RBPJ: variants seen among roughly 807,000 people sequenced by gnomAD.
The protein encoded by RBPJ is recombination signal binding protein for immunoglobulin kappa J region.
RBPJ carries 9 observed loss-of-function variants against 67.8 expected under a neutral mutation model. The ratio of observed to expected loss-of-function variants is 0.13; its 90% CI spans 0.08 to 0.23. The LOEUF is 0.23. RBPJ is among the 10% of genes least tolerant of loss of function. RBPJ has a pLI of 1.00. For synonymous variants in RBPJ, 198 were observed against 203.3 expected (o/e 0.97, Z 0.22); for missense variants, 305 against 595.6 (o/e 0.51, Z 5.08).
chr4:26,318,722 G>A (rs1258079321), upstream of RBPJ, among the ~76,000 whole-genome samples: 1 of 152,114 alleles, frequency 6.6e-6, no homozygotes, highest in Non-Finnish European at 1.5e-5. Flanking sequence ...ATTGCTGCCA[G>A]GCGCGGTGGC....
intron 1 of RBPJ, chr4:26,362,534 G>A: frequency 3.1e-6 from 5 of 1,601,236 alleles, no homozygotes; most frequent in Non-Finnish European, 4.3e-6. Context: ...GAATGATACA[G>A]ATACACTGGC....
At chr4:26,294,389 G>A (rs1049630468) in intron 1 of RBPJ, among the ~76,000 whole-genome samples, 2 of 152,132 alleles carry the variant, frequency 1.3e-5, no homozygotes, top group African/African-American at 2.4e-5. Flanking sequence ...GAGCCATCAC[G>A]CCCGGCTGGG....
chr4:26,395,354 G>T (rs1577602684), intron 2 of RBPJ, among the ~76,000 whole-genome samples: 1 of 152,206 alleles, frequency 6.6e-6, no homozygotes, highest in African/African-American at 2.4e-5. Context: ...GAAGGCTAAG[G>T]TGGGGTGATC....
chr4:26,370,972 C>G (rs1729101694), intron 1 of RBPJ, among the ~76,000 whole-genome samples: 1 of 151,632 alleles, frequency 6.6e-6, no homozygotes, highest in South Asian at 2.1e-4. Context: ...CCCAGCTACT[C>G]TGGAGGCTGA....
chr4:26,335,326 C>T (rs567052896), intron 1 of RBPJ, among the ~76,000 whole-genome samples: 3 of 151,994 alleles, frequency 2.0e-5, no homozygotes, highest in African/African-American at 4.8e-5. Context: ...GGACTACAGG[C>T]GTGTACCACC....
the RBPJ span, among the ~76,000 whole-genome samples, chr4:26,114,478 C>CATATATAT: frequency 3.1e-4 from 38 of 123,194 alleles, 1 homozygote; most frequent in South Asian, 1.4e-3. Context: ...AAAGAATGTA[C>CATATATAT]ATATATATAT....
chr4:26,207,869 G>A (rs911948409), intron 1 of RBPJ, among the ~76,000 whole-genome samples: 5 of 152,204 alleles, frequency 3.3e-5, no homozygotes, highest in African/African-American at 1.2e-4. Context: ...CAGGAGGCCA[G>A]GAACCGAGAA....
intron 1 of RBPJ, among the ~76,000 whole-genome samples, chr4:26,188,384 G>T (rs1717353646): frequency 6.6e-6 from 1 of 152,162 alleles, no homozygotes; most frequent in African/African-American, 2.4e-5. Context: ...CAAATAATTA[G>T]AAATCATTCA....
intron 1 of RBPJ, among the ~76,000 whole-genome samples, chr4:26,196,796 G>A (rs2109148315): frequency 6.6e-6 from 1 of 152,284 alleles, no homozygotes; most frequent in Non-Finnish European, 1.5e-5. Flanking sequence ...CTTCCTGACT[G>A]TGTCCTGATC....
At chr4:26,278,824 C>T (rs1024691082) in intron 1 of RBPJ, among the ~76,000 whole-genome samples, 1 of 152,110 alleles carries the variant, frequency 6.6e-6, no homozygotes, top group East Asian at 1.9e-4. Flanking sequence ...AATGATTAGT[C>T]CGTTTTAAAA....
chr4:26,109,349 A>G, the RBPJ span, among the ~76,000 whole-genome samples: 10 of 145,326 alleles, frequency 6.9e-5, no homozygotes, highest in Admixed American at 2.1e-4. Flanking sequence ...CAAGTGATCC[A>G]CCTGCCTCGG....
intron 1 of RBPJ, among the ~76,000 whole-genome samples, chr4:26,348,381 A>G (rs755602856): frequency 6.6e-6 from 1 of 152,074 alleles, no homozygotes; most frequent in Non-Finnish European, 1.5e-5. Flanking sequence ...GAGGTGATGG[A>G]CTTGGTTTAT....
intron 2 of RBPJ, among the ~76,000 whole-genome samples, chr4:26,398,963 G>A (rs747855054): frequency 1.1e-4 from 17 of 152,092 alleles, no homozygotes; most frequent in Non-Finnish European, 1.9e-4. Context: ...AAAGTACTCA[G>A]TTTCTAGATA....
chr4:26,421,554 C>T (rs1442807253), intron 5 of RBPJ, among the ~76,000 whole-genome samples: 1 of 152,124 alleles, frequency 6.6e-6, no homozygotes, highest in Non-Finnish European at 1.5e-5. Flanking sequence ...CCACCCACCT[C>T]GACCTCCCAA....
intron 1 of RBPJ, among the ~76,000 whole-genome samples, chr4:26,284,819 T>TCCATCCCCAGATGGAG (rs1721407440): frequency 1.3e-5 from 2 of 151,972 alleles, no homozygotes; most frequent in Non-Finnish European, 2.9e-5. Context: ...ACAACCAGTC[T>TCCATCCCCAGATGGAG]GTTGTGTGTC....
chr4:26,370,503 G>A (rs1178022784), intron 1 of RBPJ, among the ~76,000 whole-genome samples: 2 of 152,146 alleles, frequency 1.3e-5, no homozygotes, highest in African/African-American at 4.8e-5. Context: ...CAATCAATTA[G>A]TTTTAGACTC....
intron 1 of RBPJ, among the ~76,000 whole-genome samples, chr4:26,251,262 A>G (rs1294575198): frequency 6.6e-6 from 1 of 152,184 alleles, no homozygotes; most frequent in Non-Finnish European, 1.5e-5. Flanking sequence ...AGATGACATC[A>G]TGTGCACCAT....
chr4:26,231,515 G>T (rs1262944876), intron 1 of RBPJ, among the ~76,000 whole-genome samples: 1 of 150,948 alleles, frequency 6.6e-6, no homozygotes, highest in African/African-American at 2.4e-5. Context: ...AGGTTCAAGC[G>T]ATTCTCCTGC....
At chr4:26,138,937 C>T in the RBPJ span, among the ~76,000 whole-genome samples, 1 of 152,222 alleles carries the variant, frequency 6.6e-6, no homozygotes, top group South Asian at 2.1e-4. Context: ...ATTAGGACCA[C>T]CTGAGATTGC....
Sources: allele counts gnomAD v4.1 joint callset (sites outside exome capture counted in the v4.1 genomes callset), GRCh38; gene constraint gnomAD v4.1.1; transcripts MANE v1.5; gene names NCBI Gene and HGNC (gene_info 2026-07-23, HGNC 2026-07-21).